The following DYNC2I2 variants were observed in gnomAD, a reference collection of about 807,000 sequenced individuals.
The protein encoded by DYNC2I2 is cytoplasmic dynein 2 intermediate chain 2.
In DYNC2I2, 39 loss-of-function variants were observed where a neutral mutation model predicts 52.0. The ratio of observed to expected loss-of-function variants is 0.75; its 90% CI spans 0.58 to 0.98. The LOEUF (loss-of-function observed/expected upper bound fraction) is 0.98, where lower values mean the gene tolerates loss of function less well. Among genes scored for constraint, DYNC2I2 ranks in the 50% least tolerant of loss-of-function variants. The probability of loss-of-function intolerance (pLI) is 0.00; values close to 1 mark genes in which losing one functional copy is unlikely to be tolerated. For synonymous variants in DYNC2I2, 359 were observed against 321.1 expected, an observed-to-expected ratio of 1.12 and a Z score of -1.26; for missense variants, 743 against 728.4, an observed-to-expected ratio of 1.02 and a Z score of -0.23.
chr9:128,635,264 G>C lies in DYNC2I2; in HGVS notation c.814-5C>G, dbSNP rs1554771220. 6.2e-7 allele frequency: 1 copy of C among 1,612,414 alleles called. No individual in the cohort carries two copies. Among genetic ancestry groups the C allele is most frequent in the Non-Finnish European group, 8.5e-7 (1 of 1,179,612 alleles). On this transcript the variant is annotated splice_polypyrimidine_tract_variant and splice_region_variant and intron_variant, in intron 5 of 8. Coordinates refer to ENST00000372715, the MANE Select transcript of DYNC2I2 (RefSeq NM_052844.4). ...AGGCTCGGGCAGCCACACCACCTGA[G>C]TTAACAGCATGCAGGGCCAGGATGG...
intron 1 of DYNC2I2, among the ~76,000 whole-genome samples, chr9:128,643,038 C>T (rs550684809): frequency 1.3e-5 from 2 of 152,184 alleles, no homozygotes; most frequent in East Asian, 1.9e-4. Flanking sequence ...ATGAAGGAGC[C>T]GGCCAAGTGG....
chr9:128,683,656 T>C, the DYNC2I2 span: 3 of 404,518 alleles, frequency 7.4e-6, no homozygotes, highest in Non-Finnish European at 1.3e-5. Flanking sequence ...AAGCCAAGAG[T>C]GCCCCTGCAG....
At chr9:128,645,092 TGTAATC>T (rs1292570652) in intron 1 of DYNC2I2, among the ~76,000 whole-genome samples, 1 of 151,780 alleles carries the variant, frequency 6.6e-6, no homozygotes, top group Non-Finnish European at 1.5e-5. Flanking sequence ...GGCTCATGCC[TGTAATC>T]CCAGCACTTT....
chr9:128,660,543 A>G (rs1860906206), upstream of DYNC2I2, among the ~76,000 whole-genome samples: 2 of 151,494 alleles, frequency 1.3e-5, no homozygotes, highest in Admixed American at 6.6e-5. Context: ...AGAGTAGCGC[A>G]TGCCACCACG....
At chr9:128,683,874 G>A in the DYNC2I2 span, 2 of 1,541,148 alleles carry the variant, frequency 1.3e-6, no homozygotes, top group African/African-American at 2.8e-5. Context: ...TCGTGGTCTG[G>A]TTCTGGGACT....
At chr9:128,634,988 A>C in intron 6 of DYNC2I2, 67 bp from the exon 7 acceptor site, 1 of 1,591,334 alleles carries the variant, frequency 6.3e-7, no homozygotes. Flanking sequence ...CAACAGAGCC[A>C]GAGAACAGGA....
chr9:128,663,980 G>A, the DYNC2I2 span, among the ~76,000 whole-genome samples: 94 of 129,972 alleles, frequency 7.2e-4, no homozygotes, highest in Middle Eastern at 0.012. Flanking sequence ...TTTTTGAGAC[G>A]GAGTTTTGCT....
upstream of DYNC2I2, among the ~76,000 whole-genome samples, chr9:128,658,166 C>CTT (rs879729021): frequency 9.3e-5 from 13 of 139,120 alleles, no homozygotes; most frequent in Admixed American, 2.2e-4. Flanking sequence ...ATAGATGCTA[C>CTT]TTTTTTTTTT....
chr9:128,667,620 A>G, the DYNC2I2 span, among the ~76,000 whole-genome samples: 24 of 128,232 alleles, frequency 1.9e-4, no homozygotes, highest in African/African-American at 7.0e-4. Flanking sequence ...ACCAGGCTGG[A>G]GTGCAGTGGC....
intron 2 of DYNC2I2, among the ~76,000 whole-genome samples, chr9:128,638,667 C>T (rs1247905082): frequency 1.3e-5 from 2 of 152,216 alleles, no homozygotes; most frequent in Non-Finnish European, 2.9e-5. Context: ...CTGCAGGAGA[C>T]CAGGACCAGC....
At chr9:128,672,592 A>C in the DYNC2I2 span, among the ~76,000 whole-genome samples, 1 of 152,062 alleles carries the variant, frequency 6.6e-6, no homozygotes, top group African/African-American at 2.4e-5. Context: ...GGGCAACTTA[A>C]ATCTATGCTT....
chr9:128,684,329 C>T, the DYNC2I2 span, among the ~76,000 whole-genome samples: 1 of 152,118 alleles, frequency 6.6e-6, no homozygotes, highest in African/African-American at 2.4e-5. Flanking sequence ...TTCACCCCTC[C>T]ACATCCAGCC....
rs754862975 is a variant in DYNC2I2 at position 128,634,284 on chromosome 9, C to CA, written c.1313dup (p.Phe439ValfsTer21). ...GCACTGGGGACCAGCGCACAGCAAACAGATACTTGAGGGAGAGCTGCAGCG... is the reference window on the plus strand; with the variant it reads ...GCACTGGGGACCAGCGCACAGCAAACAAGATACTTGAGGGAGAGCTGCAGCG... On this transcript the variant is annotated frameshift_variant, in exon 8 of 9. Coordinates refer to ENST00000372715, the MANE Select transcript of DYNC2I2 (RefSeq NM_052844.4). LOFTEE classifies it high-confidence loss of function. 24 of 1,613,768 alleles carry CA rather than the reference C, an allele frequency of 1.5e-5. No homozygotes were observed. The highest frequency in any genetic ancestry group is 2.0e-5 in the Non-Finnish European group (24 of 1,179,994).
intron 2 of DYNC2I2, among the ~76,000 whole-genome samples, chr9:128,638,523 A>G (rs1164870926): frequency 6.6e-6 from 1 of 150,422 alleles, no homozygotes; most frequent in Non-Finnish European, 1.5e-5. Flanking sequence ...CTCAAAAAAA[A>G]AAAATGCATT....
intron 2 of DYNC2I2, among the ~76,000 whole-genome samples, chr9:128,639,003 T>C (rs1860462591): frequency 6.6e-6 from 1 of 152,124 alleles, no homozygotes; most frequent in Admixed American, 6.6e-5. Flanking sequence ...GTTCAAGGAA[T>C]GTTTATACTT....
intron 8 of DYNC2I2, 88 bp from the exon 9 acceptor site, chr9:128,634,070 G>A: frequency 5.1e-6 from 8 of 1,560,976 alleles, no homozygotes; most frequent in Non-Finnish European, 7.0e-6. Flanking sequence ...GTTCAATCCT[G>A]TTGTGTGCAG....
the DYNC2I2 span, among the ~76,000 whole-genome samples, chr9:128,670,223 G>T: frequency 3.3e-5 from 5 of 152,084 alleles, no homozygotes; most frequent in Non-Finnish European, 5.9e-5. Context: ...CGGATCACCG[G>T]AAGTCAGGAG....
chr9:128,663,731 G>A, the DYNC2I2 span, among the ~76,000 whole-genome samples: 2 of 139,522 alleles, frequency 1.4e-5, no homozygotes, highest in East Asian at 4.2e-4. Flanking sequence ...ATGGCACACT[G>A]CAGCCTCAAC....
chr9:128,641,011 C>G, intron 1 of DYNC2I2, 72 bp from the exon 2 acceptor site: 1 of 1,494,186 alleles, frequency 6.7e-7, no homozygotes, highest in Non-Finnish European at 8.9e-7. Context: ...CCCCTGCCTG[C>G]CCCTCCTGCT....
Sources: allele counts gnomAD v4.1 joint callset (sites outside exome capture counted in the v4.1 genomes callset), GRCh38; gene constraint gnomAD v4.1.1; transcripts MANE v1.5; gene names NCBI Gene and HGNC (gene_info 2026-07-23, HGNC 2026-07-21).